C16orf87: variants seen among roughly 807,000 people sequenced by gnomAD.
C16orf87 encodes UPF0547 protein C16orf87.
Under a neutral mutation model 21.0 loss-of-function variants are expected in C16orf87, and 13 were observed. The observed-to-expected ratio is 0.62, with a 90% CI of 0.40 to 0.98. The LOEUF (loss-of-function observed/expected upper bound fraction) is 0.98, where lower values mean the gene tolerates loss of function less well. Ranked by LOEUF, C16orf87 falls within the 50% of genes least tolerant of loss-of-function variation. The probability of loss-of-function intolerance (pLI) is 0.00; values close to 1 mark genes in which losing one functional copy is unlikely to be tolerated. For synonymous variants in C16orf87, 49 were observed against 60.2 expected (o/e 0.81, Z 0.86); for missense variants, 113 against 180.4 (o/e 0.63, Z 2.14).
At chr16:46,817,841 T>C (rs551757257) in intron 2 of C16orf87, among the ~76,000 whole-genome samples, 3 of 140,888 alleles carry the variant, frequency 2.1e-5, no homozygotes, top group Non-Finnish European at 4.5e-5. Flanking sequence ...TGAATATAGA[T>C]ATCATAGACT....
intron 3 of C16orf87, chr16:46,808,150 C>T (rs1967982340): frequency 1.3e-5 from 6 of 451,674 alleles, no homozygotes; most frequent in Non-Finnish European, 2.7e-5. Flanking sequence ...GTTAAAGAAA[C>T]ATACAAATTT....
intron 2 of C16orf87, among the ~76,000 whole-genome samples, chr16:46,817,641 T>C (rs1968288463): frequency 6.6e-6 from 1 of 151,850 alleles, no homozygotes; most frequent in Non-Finnish European, 1.5e-5. Context: ...TAAGCCGATA[T>C]CAGGCCACTG....
intron 1 of C16orf87, among the ~76,000 whole-genome samples, 185 bp from the exon 2 acceptor site, chr16:46,824,667 C>CTTTTT (rs71134504): frequency 7.3e-6 from 1 of 137,074 alleles, no homozygotes; most frequent in Admixed American, 7.5e-5. Flanking sequence ...TATTCACATT[C>CTTTTT]TTTTTTTTTT....
At position 46,816,973 on chromosome 16, in the gene C16orf87, AAAGAG is replaced by A. The variant is rs1460001546; in HGVS notation, c.164-7193_164-7189del. Among the ~76,000 whole-genome samples the A allele has an allele frequency of 2.0e-5, 3 of 152,226 alleles. No homozygotes were observed. In the East Asian group the frequency reaches 5.8e-4, roughly 29 times the overall value. ...AAGCCACGTCTTCTTAAGGTGGAAG[AAAGAG>A]AAGAGACTAAAGTCTTTGATGACAT... is the stretch of plus-strand genomic sequence containing the variant. On this transcript the variant is annotated intron_variant, in intron 2 of 3. Transcript: ENST00000285697.
intron 2 of C16orf87, among the ~76,000 whole-genome samples, chr16:46,819,256 T>C (rs563663968): frequency 2.9e-4 from 44 of 152,254 alleles, no homozygotes; most frequent in African/African-American, 9.6e-4. Flanking sequence ...TTTTTTGTTA[T>C]TTTTCTTTTT....
In C16orf87 at chr16:46,800,792, C is replaced by A. The variant is rs1967746937; in HGVS notation, c.*2160G>T. 6.6e-6 allele frequency: 1 copy of A among 152,108 alleles called. No individual in the cohort carries two copies. Among genetic ancestry groups the A allele is most frequent in the African/African-American group, 2.4e-5 (1 of 41,424 alleles). The allele number at this position is 152,108 out of a possible 1,614,324, so 9.4% of individuals were successfully genotyped here. On this transcript the variant is annotated 3_prime_UTR_variant, in exon 4 of 4. Coordinates refer to ENST00000285697, the MANE Select transcript of C16orf87 (RefSeq NM_001001436.4). ...TTATAACAAGAAAGCTCATAGAGTACAATTTTTTGAAAAATTGGTTAAATA... is the reference window on the plus strand; with the variant it reads ...TTATAACAAGAAAGCTCATAGAGTAAAATTTTTTGAAAAATTGGTTAAATA...
intron 3 of C16orf87, among the ~76,000 whole-genome samples, chr16:46,803,341 C>T (rs746112747): frequency 1.4e-4 from 21 of 152,266 alleles, no homozygotes; most frequent in Non-Finnish European, 2.5e-4. Flanking sequence ...ATTTCTATCT[C>T]CTCACTGTCT....
At chr16:46,812,106 T>C (rs1445982418) in intron 2 of C16orf87, among the ~76,000 whole-genome samples, 1 of 152,086 alleles carries the variant, frequency 6.6e-6, no homozygotes, top group South Asian at 2.1e-4. Context: ...TAGCCAGGCA[T>C]GGTGGTGTGC....
At chr16:46,830,725 C>A (rs947477241) in intron 1 of C16orf87, 4 of 200,212 alleles carry the variant, frequency 2.0e-5, no homozygotes, top group African/African-American at 7.0e-5. Flanking sequence ...GGCACACTCT[C>A]GCCGGGGCTG....
intron 3 of C16orf87, among the ~76,000 whole-genome samples, chr16:46,806,252 T>C (rs1431945609): frequency 2.0e-5 from 3 of 151,576 alleles, no homozygotes; most frequent in African/African-American, 7.3e-5. Context: ...GAAGTCTACA[T>C]TCATTTTTTT....
chr16:46,805,479 T>C (rs1389018910), intron 3 of C16orf87, among the ~76,000 whole-genome samples: 1 of 152,206 alleles, frequency 6.6e-6, no homozygotes, highest in Non-Finnish European at 1.5e-5. Flanking sequence ...AATATCACCT[T>C]GTTCATTTTA....
At chr16:46,803,626 G>C (rs915371062) in intron 3 of C16orf87, among the ~76,000 whole-genome samples, 7 of 151,602 alleles carry the variant, frequency 4.6e-5, no homozygotes, top group African/African-American at 1.7e-4. Flanking sequence ...TACTTTTTCA[G>C]GATCCCCTGA....
chr16:46,813,478 T>TA (rs35686982), intron 2 of C16orf87, among the ~76,000 whole-genome samples: 49,691 of 137,340 alleles, frequency 0.36, 8,973 homozygotes, highest in African/African-American at 0.43. Flanking sequence ...AATATTATCT[T>TA]AAAAAAAAAA....
intron 3 of C16orf87, among the ~76,000 whole-genome samples, chr16:46,808,804 G>A (rs1323882184): frequency 2.0e-5 from 3 of 151,898 alleles, no homozygotes; most frequent in East Asian, 1.9e-4. Flanking sequence ...GTAGATATTC[G>A]TCAGAAGAAA....
At chr16:46,810,652 C>T (rs1215371682) in intron 2 of C16orf87, among the ~76,000 whole-genome samples, 2 of 151,964 alleles carry the variant, frequency 1.3e-5, no homozygotes, top group African/African-American at 2.4e-5. Context: ...AATAAGTATG[C>T]TTAATAGACT....
At chr16:46,826,227 T>G (rs1223668200) in intron 1 of C16orf87, among the ~76,000 whole-genome samples, 1 of 152,162 alleles carries the variant, frequency 6.6e-6, no homozygotes, top group East Asian at 1.9e-4. Flanking sequence ...TTGAAAAAAT[T>G]TTTTAGTTTT....
intron 1 of C16orf87, among the ~76,000 whole-genome samples, chr16:46,829,800 G>C (rs994500182): frequency 1.3e-5 from 2 of 151,924 alleles, no homozygotes; most frequent in Admixed American, 1.3e-4. Flanking sequence ...GCCCATAAAG[G>C]ATACTTAATA....
At chr16:46,831,043 G>C in intron 1 of C16orf87, 41 bp downstream of exon 1, 1 of 1,522,712 alleles carries the variant, frequency 6.6e-7, no homozygotes, top group African/African-American at 1.4e-5. Context: ...CGGCCGCCAA[G>C]CCACTGCCGC....
chr16:46,829,228 G>T (rs907660544), intron 1 of C16orf87, among the ~76,000 whole-genome samples: 1 of 152,086 alleles, frequency 6.6e-6, no homozygotes, highest in African/African-American at 2.4e-5. Flanking sequence ...GCCAAGAAGA[G>T]AGCCCTCACC....
Sources: gnomAD v4.1 joint callset for allele counts (sites outside exome capture counted in the v4.1 genomes callset) on GRCh38, gnomAD v4.1.1 for gene constraint, MANE v1.5 for transcripts, NCBI Gene and HGNC (gene_info 2026-07-23, HGNC 2026-07-21) for gene names.